Variants in KCNH1 observed in about 807,000 individuals in gnomAD.
KCNH1 encodes potassium voltage-gated channel subfamily H member 1.
A neutral mutation model predicts 69.2 loss-of-function variants in KCNH1; 27 were observed. The observed-to-expected ratio is 0.39, with a 90% confidence interval of 0.29 to 0.54. The LOEUF (loss-of-function observed/expected upper bound fraction) is 0.54. Ranked by LOEUF, KCNH1 falls within the 20% of genes least tolerant of loss-of-function variation. KCNH1 has a pLI of 0.68. For missense variants in KCNH1, 798 were observed against 1,261.6 expected (o/e 0.63, Z 5.57); for synonymous variants, 456 against 487.7 (o/e 0.93, Z 0.86).
At chr1:210,982,819 G>T (rs921171684) in intron 6 of KCNH1, among the ~76,000 whole-genome samples, 1 of 152,160 alleles carries the variant, frequency 6.6e-6, no homozygotes, top group African/African-American at 2.4e-5. Context: ...GGTATTTCTA[G>T]TTCTAGATCC....
At chr1:211,088,917 T>C (rs751004156) in intron 4 of KCNH1, among the ~76,000 whole-genome samples, 13 of 152,318 alleles carry the variant, frequency 8.5e-5, no homozygotes, top group South Asian at 2.1e-4. Context: ...ATTTTATTCC[T>C]GGAAAATAAA....
chr1:211,063,547 C>G (rs1294629821), intron 5 of KCNH1: 1 of 152,126 alleles, frequency 6.6e-6, no homozygotes, highest in Non-Finnish European at 1.5e-5. Context: ...TCGAGACCAC[C>G]CTGGCTAACA....
chr1:210,894,767 A>C (rs59317819), intron 7 of KCNH1, among the ~76,000 whole-genome samples: 4,177 of 152,310 alleles, frequency 0.027, 76 homozygotes, highest in Middle Eastern at 0.061. Context: ...ATTATGATGC[A>C]TCATGAAGGC....
At chr1:210,950,460 T>C (rs1233603405) in intron 6 of KCNH1, among the ~76,000 whole-genome samples, 1 of 145,316 alleles carries the variant, frequency 6.9e-6, no homozygotes. Flanking sequence ...TGAGTGAGAA[T>C]ATGCAGTGTT....
At chr1:210,796,110 A>G (rs1430264095) in intron 9 of KCNH1, among the ~76,000 whole-genome samples, 7 of 150,252 alleles carry the variant, frequency 4.7e-5, no homozygotes. Context: ...AGCCGAGAGC[A>G]TGCCACTGCA....
intron 10 of KCNH1, among the ~76,000 whole-genome samples, chr1:210,745,725 C>A (rs1683135445): frequency 6.6e-6 from 1 of 152,112 alleles, no homozygotes; most frequent in African/African-American, 2.4e-5. Context: ...GCTGGCCCAG[C>A]CTCAGTGCCC....
At chr1:211,059,558 C>T (rs758368104) in intron 5 of KCNH1, among the ~76,000 whole-genome samples, 46 of 151,960 alleles carry the variant, frequency 3.0e-4, no homozygotes, top group Admixed American at 2.0e-3. Flanking sequence ...CTGGTTAACA[C>T]GGTGAAACTA....
intron 7 of KCNH1, among the ~76,000 whole-genome samples, chr1:210,813,743 G>A (rs1684756964): frequency 6.6e-6 from 1 of 152,220 alleles, no homozygotes; most frequent in Non-Finnish European, 1.5e-5. Flanking sequence ...GTAGTGATAT[G>A]GTTTGGCTGT....
At chr1:210,869,429 T>G (rs1269428810) in intron 7 of KCNH1, among the ~76,000 whole-genome samples, 1 of 151,894 alleles carries the variant, frequency 6.6e-6, no homozygotes, top group African/African-American at 2.4e-5. Flanking sequence ...TAATTCTATT[T>G]TCTCTGTCAT....
At chr1:210,861,200 T>A in intron 7 of KCNH1, 1 of 972,214 alleles carries the variant, frequency 1.0e-6, no homozygotes, top group South Asian at 1.3e-5. Context: ...AGCATCTGTA[T>A]AACACATCAA....
At chr1:210,804,236 G>T (rs1246089373) in intron 7 of KCNH1, 70 bp from the exon 8 acceptor site, 6 of 1,340,488 alleles carry the variant, frequency 4.5e-6, no homozygotes, top group Non-Finnish European at 5.2e-6. Flanking sequence ...GTTCCAGAAT[G>T]CTCAGCTTGC....
chr1:210,807,697 G>A (rs897292831), intron 7 of KCNH1, among the ~76,000 whole-genome samples: 16 of 152,106 alleles, frequency 1.1e-4, no homozygotes, highest in Non-Finnish European at 1.9e-4. Flanking sequence ...TTTTGAGATT[G>A]TCTTTTTTAA....
intron 5 of KCNH1, 57 bp from the exon 6 acceptor site, chr1:211,019,313 T>A: frequency 2.7e-6 from 3 of 1,115,768 alleles, no homozygotes; most frequent in Non-Finnish European, 3.9e-6. Flanking sequence ...TGCAAGTATC[T>A]AACCAGTCAG....
intron 6 of KCNH1, among the ~76,000 whole-genome samples, chr1:210,974,481 T>A (rs954433956): frequency 8.5e-5 from 13 of 152,066 alleles, no homozygotes; most frequent in African/African-American, 3.1e-4. Flanking sequence ...GGCTTGTTGT[T>A]TTCTTATTAT....
intron 5 of KCNH1, among the ~76,000 whole-genome samples, chr1:211,054,062 G>A (rs1690257938): frequency 6.6e-6 from 1 of 151,712 alleles, no homozygotes; most frequent in Non-Finnish European, 1.5e-5. Flanking sequence ...CTGAGGTCAG[G>A]AGTTCAAGAC....
chr1:211,016,517 T>C (rs888644534), intron 6 of KCNH1, among the ~76,000 whole-genome samples: 1 of 152,182 alleles, frequency 6.6e-6, no homozygotes, highest in African/African-American at 2.4e-5. Flanking sequence ...TTCAGATAAT[T>C]TATTTGAATT....
intron 10 of KCNH1, among the ~76,000 whole-genome samples, chr1:210,712,316 T>C (rs1209193860): frequency 6.6e-6 from 1 of 152,218 alleles, no homozygotes; most frequent in Non-Finnish European, 1.5e-5. Flanking sequence ...TGAGCCCATG[T>C]GTGAAGTTTT....
Position 211,134,024 on chromosome 1 carries a change from C to T in KCNH1, c.-79G>A. 3 of 1,308,188 alleles carry T rather than the reference C, an allele frequency of 2.3e-6. No individual in the cohort carries two copies. The highest frequency in any genetic ancestry group is 3.3e-6 in the Non-Finnish European group (3 of 915,268). 81.0% of individuals were successfully genotyped at this position (1,308,188 alleles called of 1,614,324 possible). On this transcript the variant is annotated 5_prime_UTR_variant, in exon 1 of 11. The change creates a new upstream start codon in the 5' untranslated region. Coordinates refer to ENST00000271751, the MANE Select transcript of KCNH1 (RefSeq NM_172362.3). The surrounding 1 kb of genome is among the most constrained non-coding windows in gnomAD (Gnocchi z 5.7). The stretch of plus-strand genomic sequence containing the variant: ...CAGGAAACTGGCCTCGGGGCCCGCA[C>T]GCAGTCCCGGCTCGAAGCGCCCCAT...
intron 6 of KCNH1, among the ~76,000 whole-genome samples, chr1:210,946,031 T>G (rs1018761555): frequency 5.9e-5 from 9 of 152,250 alleles, no homozygotes; most frequent in Non-Finnish European, 1.3e-4. Context: ...ACTGCCAGTA[T>G]AGCAGGCTGT....
Sources: allele counts gnomAD v4.1 joint callset (sites outside exome capture counted in the v4.1 genomes callset), GRCh38; gene constraint gnomAD v4.1.1; non-coding constraint Gnocchi (gnomAD v3.1); transcripts MANE v1.5; gene names NCBI Gene and HGNC (gene_info 2026-07-23, HGNC 2026-07-21).